ATP9B: variants seen among roughly 807,000 people sequenced by gnomAD.
ATP9B encodes the protein ATPase phospholipid transporting 9B, also known as probable phospholipid-transporting ATPase IIB.
ATP9B carries 110 observed loss-of-function variants against 146.1 expected under a neutral mutation model. That is an observed-to-expected ratio of 0.75 (90% CI 0.65 to 0.88). The LOEUF is 0.88. Among genes scored for constraint, ATP9B ranks in the 40% least tolerant of loss-of-function variants. ATP9B has a pLI of 0.00. For synonymous variants in ATP9B, 604 were observed against 569.7 expected (o/e 1.06, Z -0.86); for missense variants, 1,499 against 1,496.4 (o/e 1.00, Z -0.03).
In ATP9B at chr18:79,075,720, C is replaced by T. The variant is rs185223183; in HGVS notation, c.119+6191C>T. Among the ~76,000 whole-genome samples, 160 of 152,160 alleles carry T rather than the reference C, an allele frequency of 1.1e-3. 1 individual carries two copies. The highest frequency in any genetic ancestry group is 7.1e-3 in the Admixed American group (109 of 15,290). On this transcript the variant is annotated intron_variant, in intron 1 of 29. Transcript: ENST00000426216. ...AAGTGATTTTCTGGTAGTTGTCATACGGTTGGTTCTTTTTTTTTACCCACC... is the reference window on the plus strand; with the variant it reads ...AAGTGATTTTCTGGTAGTTGTCATATGGTTGGTTCTTTTTTTTTACCCACC...
intron 11 of ATP9B, among the ~76,000 whole-genome samples, chr18:79,247,716 G>T (rs2095981976): frequency 6.6e-6 from 1 of 152,086 alleles, no homozygotes; most frequent in South Asian, 2.1e-4. Context: ...TTGCTTCCCT[G>T]TTTAGTAGCT....
chr18:79,154,000 C>T (rs2080705995), intron 6 of ATP9B, among the ~76,000 whole-genome samples: 1 of 150,214 alleles, frequency 6.7e-6, no homozygotes, highest in African/African-American at 2.5e-5. Flanking sequence ...GCTCTGTCAC[C>T]CAGGCTGGAG....
intron 1 of ATP9B, among the ~76,000 whole-genome samples, chr18:79,090,397 A>G (rs1043789399): frequency 6.6e-6 from 1 of 152,218 alleles, no homozygotes; most frequent in Admixed American, 6.5e-5. Context: ...CCAACAGTGT[A>G]CAAGGGTTCC....
rs774905035 is a variant in ATP9B at position 79,253,408 on chromosome 18, C to T, written c.1135C>T (p.Arg379Trp). ...TGGTTTGTTGGACCTTGAACTCAAT[C>T]GGCTGACGAAAGCGCTATTTTTGGC... is the stretch of plus-strand genomic sequence containing the variant. ...KVGLLDLELN[R>W]LTKALFLALV... The change falls in exon 12 of 30, where the codon CGG becomes TGG. Residue 379 changes from arginine to tryptophan, a missense_variant. Coordinates refer to ENST00000426216, the MANE Select transcript of ATP9B (RefSeq NM_198531.5). 7 of 1,610,688 alleles carry T rather than the reference C, an allele frequency of 4.3e-6. No individual in the cohort carries two copies. The highest frequency in any genetic ancestry group is 2.7e-5 in the African/African-American group (2 of 74,686).
chr18:79,143,827 C>T lies in ATP9B; in HGVS notation c.693C>T (p.Asp231=). Residue 231 remains aspartate (D), a synonymous_variant, in exon 6 of 30, where the codon GAC becomes GAT. Transcript: ENST00000426216. The part of the protein sequence containing the change: ...VRGKVQVKSS[D]IQVGDLIIVE... Reference sequence around the variant, plus strand: ...GTAAAGTGCAAGTTAAGAGTTCAGACATACAAGTTGGAGACCTCATCATAG... The same window carrying T: ...GTAAAGTGCAAGTTAAGAGTTCAGATATACAAGTTGGAGACCTCATCATAG... 1 of 1,587,996 alleles carries T rather than the reference C, an allele frequency of 6.3e-7. No individual in the cohort carries two copies.
chr18:79,320,152 T>C (rs1599936094), intron 15 of ATP9B, among the ~76,000 whole-genome samples: 1 of 152,222 alleles, frequency 6.6e-6, no homozygotes, highest in Non-Finnish European at 1.5e-5. Context: ...ATCTTTTAGC[T>C]TTCATTTATT....
Position 79,372,815 on chromosome 18 carries a change from G to GTT in ATP9B, c.3013-8_3013-7dup. ...TGCGCACTAACGACGCTCTTCCACT[G>GTT]TTTCCCTAGGGAAGATCCTTGTCCT... On this transcript the variant is annotated splice_polypyrimidine_tract_variant and intron_variant, in intron 26 of 29. Transcript: ENST00000426216. 6.2e-7 allele frequency: 1 copy of GTT among 1,601,850 alleles called. No homozygotes were observed. The highest frequency in any genetic ancestry group is 2.2e-5 in the East Asian group (1 of 44,822).
rs1039394886 is a variant in ATP9B at position 79,375,880 on chromosome 18, G to A, written c.3307+454G>A. On this transcript the variant is annotated intron_variant, in intron 29 of 29. Coordinates refer to ENST00000426216, the MANE Select transcript of ATP9B (RefSeq NM_198531.5). ...GATCTTTTTATCCCATCCGGCAACA[G>A]TCTAAAGGGATTTCCACTATATGTA... The A allele has an allele frequency of 1.0e-5, 10 of 985,274 alleles. No homozygotes were observed. The African/African-American group carries it at 1.7e-4, about 17-fold the overall frequency. 61.0% of individuals were successfully genotyped at this position (985,274 alleles called of 1,614,324 possible).
intron 11 of ATP9B, among the ~76,000 whole-genome samples, chr18:79,231,893 T>A (rs1227223887): frequency 6.6e-6 from 1 of 151,912 alleles, no homozygotes; most frequent in Admixed American, 6.6e-5. Flanking sequence ...GAGACCATTA[T>A]TCTAAGTGAA....
chr18:79,224,846 TG>T (rs1239094716), intron 11 of ATP9B, among the ~76,000 whole-genome samples: 1 of 152,036 alleles, frequency 6.6e-6, no homozygotes, highest in African/African-American at 2.4e-5. Context: ...TGCTTGTCCT[TG>T]GGGGGTTATG....
chr18:79,096,360 T>C lies in ATP9B; in HGVS notation c.120-116T>C, dbSNP rs1830592152. 5 of 1,000,446 alleles carry C rather than the reference T, an allele frequency of 5.0e-6. No individual in the cohort carries two copies. In the Admixed American group the frequency reaches 9.6e-5, roughly 19 times the overall value. The allele number at this position is 1,000,446 out of a possible 1,614,324, so 62.0% of individuals were successfully genotyped here. A position where few individuals can be genotyped will look rare whatever the true frequency, so the allele number is the denominator to read the frequency against. On this transcript the variant is annotated intron_variant, in intron 1 of 29. Coordinates refer to ENST00000426216, the MANE Select transcript of ATP9B (RefSeq NM_198531.5). ...AAAGCAGCCTCTGCAGTCTTATTTA[T>C]AATGCTTTCCCTCAGCTGAAGACAG...
In ATP9B at chr18:79,206,478, T is replaced by C. The variant is rs116107833; in HGVS notation, c.955-459T>C. ...CTAATATTTTCTACTTTTCCAGGAG[T>C]GTTGTTAAATGATGTGTTAAAGATG... On this transcript the variant is annotated intron_variant, in intron 9 of 29. Transcript: ENST00000426216. Among the ~76,000 whole-genome samples the C allele has an allele frequency of 3.7e-3, 562 of 151,854 alleles. 6 individuals carry two copies. The highest frequency in any genetic ancestry group is 0.013 in the African/African-American group (537 of 41,386).
chr18:79,369,461 A>C (rs2097056075), intron 26 of ATP9B, among the ~76,000 whole-genome samples: 1 of 142,614 alleles, frequency 7.0e-6, no homozygotes, highest in Non-Finnish European at 1.5e-5. Flanking sequence ...TGAACCCGGG[A>C]GGCGAAGCCT....
chr18:79,281,356 G>A (rs898501453), intron 13 of ATP9B, among the ~76,000 whole-genome samples: 1 of 151,968 alleles, frequency 6.6e-6, no homozygotes, highest in African/African-American at 2.4e-5. Flanking sequence ...AATTAGCCAG[G>A]CATGGTGGTG....
At chr18:79,331,387 T>TA (rs1461253253) in intron 17 of ATP9B, among the ~76,000 whole-genome samples, 3 of 152,244 alleles carry the variant, frequency 2.0e-5, no homozygotes, top group Non-Finnish European at 4.4e-5. Flanking sequence ...CAATTAATTG[T>TA]AAAATACTTC....
chr18:79,185,979 T>C (rs2095304853), intron 8 of ATP9B, among the ~76,000 whole-genome samples: 1 of 152,210 alleles, frequency 6.6e-6, no homozygotes, highest in South Asian at 2.1e-4. Flanking sequence ...TAATAATAAC[T>C]GTGCTGCAGA....
At chr18:79,359,023 A>G (rs115665555) in intron 25 of ATP9B, among the ~76,000 whole-genome samples, 5,199 of 152,012 alleles carry the variant, frequency 0.034, 298 homozygotes, top group African/African-American at 0.12. Flanking sequence ...AGATGTTACC[A>G]TTGGGAGAAC....
chr18:79,183,562 T>C (rs1016216448), intron 8 of ATP9B, among the ~76,000 whole-genome samples: 1 of 152,180 alleles, frequency 6.6e-6, no homozygotes, highest in Non-Finnish European at 1.5e-5. Flanking sequence ...TTCCAATGTT[T>C]CTAAATACTT....
rs1217766089 is a variant in ATP9B, at chr18:79,231,776, G to GTA, written c.1107+17739_1107+17740insAT. Among the ~76,000 whole-genome samples, 83 of 94,994 alleles carry GTA rather than the reference G, an allele frequency of 8.7e-4. 2 individuals carry two copies. Among genetic ancestry groups the GTA allele is most frequent in the Admixed American group, 5.5e-3 (48 of 8,804 alleles). 62.3% of individuals were successfully genotyped at this position (94,994 alleles called of 152,430 possible). A position where few individuals can be genotyped will look rare whatever the true frequency, so the allele number is the denominator to read the frequency against. On this transcript the variant is annotated intron_variant, in intron 11 of 29. Coordinates refer to ENST00000426216, the MANE Select transcript of ATP9B (RefSeq NM_198531.5). The stretch of plus-strand genomic sequence containing the variant: ...GAGTAGATAAAGAAAATGTGTGTGT[G>GTA]TGTATATATATATATATATATATAT...
Sources: gnomAD v4.1 joint callset for allele counts (sites outside exome capture counted in the v4.1 genomes callset) on GRCh38, gnomAD v4.1.1 for gene constraint, MANE v1.5 for transcripts, NCBI Gene and HGNC (gene_info 2026-07-23, HGNC 2026-07-21) for gene names.